The following DHRSX variants were observed in gnomAD, a reference collection of about 807,000 sequenced individuals.
DHRSX encodes the protein dehydrogenase/reductase X-linked.
DHRSX carries 31 observed loss-of-function variants against 34.0 expected under a neutral mutation model. The ratio of observed to expected loss-of-function variants is 0.91; its 90% CI spans 0.69 to 1.23. The LOEUF is 1.23. Among genes scored for constraint, DHRSX ranks in the 50% most tolerant of loss-of-function variants. The pLI, the probability that DHRSX is intolerant of heterozygous loss-of-function variation, is 0.00. For synonymous variants in DHRSX, 201 were observed against 183.8 expected, an observed-to-expected ratio of 1.09 and a Z score of -0.76; for missense variants, 414 against 428.1, an observed-to-expected ratio of 0.97 and a Z score of 0.29.
chrX:2,491,162 C>T (rs1454842103), intron 1 of DHRSX, among the ~76,000 whole-genome samples: 3 of 151,678 alleles, frequency 2.0e-5, no homozygotes, highest in East Asian at 1.9e-4. Context: ...CTCCGCCTCC[C>T]GGGTTCAAGC....
At chrX:2,418,638 T>C (rs1411022133) in intron 2 of DHRSX, among the ~76,000 whole-genome samples, 1 of 152,186 alleles carries the variant, frequency 6.6e-6, no homozygotes, top group Non-Finnish European at 1.5e-5. Flanking sequence ...CCTCCCATCT[T>C]TGTTCAACCT....
chrX:2,319,606 T>C (rs1262543985), intron 3 of DHRSX, among the ~76,000 whole-genome samples: 2 of 151,298 alleles, frequency 1.3e-5, no homozygotes, highest in Admixed American at 1.3e-4. Flanking sequence ...TAGTAAGTAG[T>C]AAAATATTTT....
chrX:2,267,478 G>T (rs2064319542), intron 4 of DHRSX, among the ~76,000 whole-genome samples: 1 of 151,262 alleles, frequency 6.6e-6, no homozygotes, highest in African/African-American at 2.4e-5. Context: ...CTGGGAGGCG[G>T]AGGTTGCAGT....
At chrX:2,330,011 C>T (rs2042436929) in intron 3 of DHRSX, among the ~76,000 whole-genome samples, 1 of 138,718 alleles carries the variant, frequency 7.2e-6, no homozygotes, top group South Asian at 2.3e-4. Flanking sequence ...GGCAGCACTG[C>T]GATTCCAAAA....
chrX:2,489,666 A>G (rs1278991601), intron 1 of DHRSX: 1 of 1,612,228 alleles, frequency 6.2e-7, no homozygotes, highest in Non-Finnish European at 8.5e-7. Flanking sequence ...CCCCACCAGG[A>G]GACGCGGTTG....
chrX:2,380,957 G>A (rs192334580), intron 3 of DHRSX, among the ~76,000 whole-genome samples: 6 of 151,590 alleles, frequency 4.0e-5, no homozygotes, highest in African/African-American at 7.3e-5. Context: ...CTCCGCCTCC[G>A]AGGTTCAAGC....
chrX:2,473,663 G>A (rs1449169618), intron 1 of DHRSX, among the ~76,000 whole-genome samples: 1 of 141,226 alleles, frequency 7.1e-6, no homozygotes, highest in East Asian at 1.9e-4. Context: ...GGTGCACAGA[G>A]GCAGCCAGGA....
rs775583321 is a variant in DHRSX, at chrX:2,485,932, A to G, written c.109+14885T>C. 1.2e-3 allele frequency among the ~76,000 whole-genome samples: 141 copies of G among 119,550 alleles called. 10 individuals carry two copies. Among genetic ancestry groups the G allele is most frequent in the African/African-American group, 4.5e-3 (112 of 24,782 alleles). The allele number at this position is 119,550 out of a possible 152,430, so 78.4% of individuals were successfully genotyped here. ...GGAAGGAAGGAAGGAAAGAAGGAAG[A>G]AAGGAAGGATTTGTTGGCTGAAGAA... On this transcript the variant is annotated intron_variant, in intron 1 of 6. Coordinates refer to ENST00000334651, the MANE Select transcript of DHRSX (RefSeq NM_145177.3).
chrX:2,416,202 A>G (rs899541027), intron 2 of DHRSX, among the ~76,000 whole-genome samples: 4 of 151,694 alleles, frequency 2.6e-5, no homozygotes, highest in Non-Finnish European at 5.9e-5. Context: ...AGCCTAACTA[A>G]GTCTCATCAT....
chrX:2,499,864 G>C (rs2045371981), intron 1 of DHRSX, among the ~76,000 whole-genome samples: 4 of 152,254 alleles, frequency 2.6e-5, no homozygotes, highest in Admixed American at 2.0e-4. Flanking sequence ...GAGCAACATA[G>C]CAAGACCCCG....
At chrX:2,282,788 GAGAGAAGAA>G (rs1328438912) in intron 4 of DHRSX, among the ~76,000 whole-genome samples, 1 of 80,754 alleles carries the variant, frequency 1.2e-5, no homozygotes, top group Non-Finnish European at 2.8e-5. Flanking sequence ...GAGGGGGAGA[GAGAGAAGAA>G]AGAGAGAAGA....
chrX:2,391,261 G>A (rs1183898372), intron 3 of DHRSX, among the ~76,000 whole-genome samples: 1 of 152,176 alleles, frequency 6.6e-6, no homozygotes, highest in Non-Finnish European at 1.5e-5. Context: ...GGCAGGATCA[G>A]TCTATCCTCA....
intron 1 of DHRSX, among the ~76,000 whole-genome samples, chrX:2,483,178 C>T (rs28539984): frequency 0.12 from 17,620 of 152,102 alleles, 1,532 homozygotes; most frequent in South Asian, 0.31. Flanking sequence ...CTCGACTTTC[C>T]GGGCTCCAGC....
intron 2 of DHRSX, among the ~76,000 whole-genome samples, chrX:2,412,409 G>C (rs2043642958): frequency 6.6e-6 from 1 of 152,076 alleles, no homozygotes; most frequent in South Asian, 2.1e-4. Flanking sequence ...CTTAGGAAGT[G>C]AACGTGCTTG....
chrX:2,483,467 C>G (rs2044805160), intron 1 of DHRSX, among the ~76,000 whole-genome samples: 1 of 151,922 alleles, frequency 6.6e-6, no homozygotes, highest in Non-Finnish European at 1.5e-5. Context: ...TGAGGTTTGG[C>G]CATGTTGCCC....
chrX:2,328,291 T>C (rs948518141), intron 3 of DHRSX, among the ~76,000 whole-genome samples: 6 of 151,302 alleles, frequency 4.0e-5, no homozygotes, highest in African/African-American at 1.5e-4. Flanking sequence ...TATTCTGTGA[T>C]AGCAGCCTGA....
intron 3 of DHRSX, among the ~76,000 whole-genome samples, chrX:2,360,048 C>T (rs749883583): frequency 6.6e-6 from 1 of 152,172 alleles, no homozygotes; most frequent in Admixed American, 6.5e-5. Context: ...AAACCTGCAC[C>T]TGTATCCCTG....
chrX:2,459,366 A>G (rs2044363249), intron 1 of DHRSX, among the ~76,000 whole-genome samples: 1 of 151,912 alleles, frequency 6.6e-6, no homozygotes. Context: ...TATGTTAATT[A>G]GCTTGATTGT....
At chrX:2,469,673 A>T (rs2044559309) in intron 1 of DHRSX, among the ~76,000 whole-genome samples, 1 of 151,682 alleles carries the variant, frequency 6.6e-6, no homozygotes, top group Admixed American at 6.6e-5. Flanking sequence ...CACGGAAGAC[A>T]TTCACTAAGA....
Sources: allele counts gnomAD v4.1 joint callset (sites outside exome capture counted in the v4.1 genomes callset), GRCh38; gene constraint gnomAD v4.1.1; transcripts MANE v1.5; gene names NCBI Gene and HGNC (gene_info 2026-07-23, HGNC 2026-07-21).